NUDCD3: variants seen among roughly 807,000 people sequenced by gnomAD.
The protein encoded by NUDCD3 is NudC domain containing 3.
A neutral mutation model predicts 39.7 loss-of-function variants in NUDCD3; 13 were observed. That is an observed-to-expected ratio of 0.33 (90% CI 0.21 to 0.52). NUDCD3 has a LOEUF of 0.52. Among genes scored for constraint, NUDCD3 ranks in the 20% least tolerant of loss-of-function variants. NUDCD3 has a pLI of 0.96. For missense variants in NUDCD3, 453 were observed against 458.1 expected (o/e 0.99, Z 0.10); for synonymous variants, 175 against 172.4 (o/e 1.02, Z -0.12).
At chr7:44,490,172 G>A (rs1585115075) in intron 1 of NUDCD3, 2 of 478,650 alleles carry the variant, frequency 4.2e-6, no homozygotes, top group Non-Finnish European at 7.3e-6. Flanking sequence ...TGCTGAGTAG[G>A]GCTCTTAACA....
intron 2 of NUDCD3, among the ~76,000 whole-genome samples, chr7:44,437,691 T>C (rs1799493292): frequency 6.6e-6 from 1 of 152,214 alleles, no homozygotes; most frequent in Admixed American, 6.5e-5. Flanking sequence ...TGTTTCACAT[T>C]TTAAAATTAA....
chr7:44,478,557 A>C (rs1468052603), intron 2 of NUDCD3, among the ~76,000 whole-genome samples: 15 of 152,222 alleles, frequency 9.9e-5, no homozygotes, highest in Non-Finnish European at 1.9e-4. Flanking sequence ...CCGTCTAAAA[A>C]AAGAAAAAGA....
At chr7:44,451,586 G>A (rs1165983510) in intron 2 of NUDCD3, among the ~76,000 whole-genome samples, 3 of 151,888 alleles carry the variant, frequency 2.0e-5, no homozygotes, top group South Asian at 4.2e-4. Context: ...ATAATCTATC[G>A]TGACAGAAAA....
chr7:44,490,536 T>A lies in NUDCD3; in HGVS notation c.65A>T (p.Asn22Ile), dbSNP rs755869101. 1 of 1,612,408 alleles carries A rather than the reference T, an allele frequency of 6.2e-7. No homozygotes were observed. Among genetic ancestry groups the A allele is most frequent in the Non-Finnish European group, 8.5e-7 (1 of 1,179,322 alleles). The part of the protein sequence containing the change: ...ALLGILQHVG[N>I]VQDFLRVLFG... ...GAGAACGCGCAGGAAATCCTGGACG[T>A]TGCCCACGTGCTGCAGGATGCCCAA... Residue 22 changes from asparagine (N) to isoleucine (I), a missense_variant, in exon 1 of 6, where the codon AAC becomes ATC. Transcript: ENST00000355451.
At chr7:44,425,712 T>A (rs1585070186) in intron 3 of NUDCD3, among the ~76,000 whole-genome samples, 1 of 151,906 alleles carries the variant, frequency 6.6e-6, no homozygotes, top group African/African-American at 2.4e-5. Context: ...AAATTTTTTT[T>A]AAACTTAACC....
At chr7:44,406,252 C>T (rs10246908) in intron 3 of NUDCD3, among the ~76,000 whole-genome samples, 19,566 of 152,278 alleles carry the variant, frequency 0.13, 1,666 homozygotes, top group Non-Finnish European at 0.19. Flanking sequence ...GAAGCATCCT[C>T]TCATGAGATC....
chr7:44,432,374 GA>G (rs1799380910), intron 2 of NUDCD3, among the ~76,000 whole-genome samples: 1 of 152,218 alleles, frequency 6.6e-6, no homozygotes, highest in Admixed American at 6.5e-5. Context: ...GACCTAACCT[GA>G]AGAGTTTTGT....
chr7:44,409,294 T>C (rs922888918), intron 3 of NUDCD3, among the ~76,000 whole-genome samples: 2 of 152,156 alleles, frequency 1.3e-5, no homozygotes, highest in South Asian at 2.1e-4. Flanking sequence ...CTCCAACAGG[T>C]AGATGAAGCC....
chr7:44,391,877 C>T (rs1484576485), intron 5 of NUDCD3, among the ~76,000 whole-genome samples: 2 of 152,174 alleles, frequency 1.3e-5, no homozygotes, highest in Admixed American at 1.3e-4. Flanking sequence ...ATGCTGGCCT[C>T]CAACATCCAG....
chr7:44,482,000 G>C (rs1800501532), intron 2 of NUDCD3, among the ~76,000 whole-genome samples: 1 of 152,146 alleles, frequency 6.6e-6, no homozygotes, highest in Non-Finnish European at 1.5e-5. Flanking sequence ...ATCCAGAACT[G>C]TGAGCAATAA....
chr7:44,408,187 G>A (rs1798863600), intron 3 of NUDCD3, among the ~76,000 whole-genome samples: 1 of 152,132 alleles, frequency 6.6e-6, no homozygotes. Flanking sequence ...CACCCAAACT[G>A]AGAAATAAGT....
At chr7:44,473,308 A>G (rs1027351165) in intron 2 of NUDCD3, among the ~76,000 whole-genome samples, 1 of 152,214 alleles carries the variant, frequency 6.6e-6, no homozygotes, top group African/African-American at 2.4e-5. Flanking sequence ...ATTTTAACGT[A>G]GCGGAGAATC....
At chr7:44,413,644 G>C (rs1370275879) in intron 3 of NUDCD3, among the ~76,000 whole-genome samples, 3 of 152,160 alleles carry the variant, frequency 2.0e-5, no homozygotes, top group African/African-American at 7.2e-5. Context: ...CCCAAAATTT[G>C]ATAACATACT....
rs925114763 is a variant in NUDCD3, at chr7:44,396,086, GTT to G, written c.787-3603_787-3602del. 3.4e-4 allele frequency among the ~76,000 whole-genome samples: 44 copies of G among 130,174 alleles called. No homozygotes were observed. In the East Asian group the frequency reaches 5.7e-3, roughly 17 times the overall value. 85.4% of individuals were successfully genotyped at this position (130,174 alleles called of 152,430 possible). A position where few individuals can be genotyped will look rare whatever the true frequency, so the allele number is the denominator to read the frequency against. On this transcript the variant is annotated intron_variant, in intron 4 of 5. Coordinates refer to ENST00000355451, the MANE Select transcript of NUDCD3 (RefSeq NM_015332.4). ...CCCTCACCAACACTTGTTATCTTCT[GTT>G]GTGTGTGTGTGTGTGTGTGTGTGTG...
intron 4 of NUDCD3, among the ~76,000 whole-genome samples, chr7:44,400,705 A>AAAT (rs1230755744): frequency 6.6e-6 from 1 of 152,184 alleles, no homozygotes. Flanking sequence ...CCTTCCTGCC[A>AAAT]TTTCCAGCTT....
intron 2 of NUDCD3, among the ~76,000 whole-genome samples, chr7:44,448,440 G>GT (rs1220109420): frequency 2.0e-5 from 3 of 152,182 alleles, no homozygotes; most frequent in African/African-American, 7.2e-5. Context: ...CGGAGAGATA[G>GT]TAACTGTGAT....
rs77678453 is a variant in NUDCD3 at position 44,390,378 on chromosome 7, A to G, written c.975+1919T>C. Among the ~76,000 whole-genome samples, 546 of 152,260 alleles carry G rather than the reference A, an allele frequency of 3.6e-3. 2 individuals carry two copies. The highest frequency in any genetic ancestry group is 0.013 in the African/African-American group (522 of 41,542). On this transcript the variant is annotated intron_variant, in intron 5 of 5. Transcript: ENST00000355451. The stretch of plus-strand genomic sequence containing the variant: ...GGCTCTGTCTCAAAAAATTTAAAAA[A>G]TAAAATAAAATAAAGTCTACAAAAA...
intron 2 of NUDCD3, among the ~76,000 whole-genome samples, chr7:44,456,025 CAAAAAAA>C (rs1233592095): frequency 3.5e-5 from 1 of 28,498 alleles, no homozygotes; most frequent in South Asian, 1.9e-3. Flanking sequence ...GACTCCGTCT[CAAAAAAA>C]AAAAAAAAAA....
At chr7:44,386,972 C>T (rs1176619525) in intron 5 of NUDCD3, among the ~76,000 whole-genome samples, 1 of 152,110 alleles carries the variant, frequency 6.6e-6, no homozygotes, top group African/African-American at 2.4e-5. Flanking sequence ...TCTCTCCTTC[C>T]TTCTAACCTT....
Sources: gnomAD v4.1 joint callset for allele counts (sites outside exome capture counted in the v4.1 genomes callset) on GRCh38, gnomAD v4.1.1 for gene constraint, MANE v1.5 for transcripts, NCBI Gene and HGNC (gene_info 2026-07-23, HGNC 2026-07-21) for gene names.